HOMER2: variants seen among roughly 807,000 people sequenced by gnomAD.
HOMER2 encodes the protein homer scaffold protein 2, also known as homer protein homolog 2.
In HOMER2, 27 loss-of-function variants were observed where a neutral mutation model predicts 47.0. The ratio of observed to expected loss-of-function variants is 0.57; its 90% CI spans 0.42 to 0.79. HOMER2 has a LOEUF of 0.79. HOMER2 is among the 30% of genes least tolerant of loss of function. The pLI is 0.00. For missense variants in HOMER2, 443 were observed against 435.0 expected (o/e 1.02, Z -0.16); for synonymous variants, 161 against 163.8 (o/e 0.98, Z 0.13).
At chr15:82,906,260 G>A (rs1267517677) in intron 1 of HOMER2, among the ~76,000 whole-genome samples, 1 of 152,106 alleles carries the variant, frequency 6.6e-6, no homozygotes, top group Non-Finnish European at 1.5e-5. Flanking sequence ...CAGAAAAAGT[G>A]TAGAAGAAAA....
At chr15:82,857,925 G>T (rs1037219854) in intron 5 of HOMER2, among the ~76,000 whole-genome samples, 1 of 152,188 alleles carries the variant, frequency 6.6e-6, no homozygotes, top group Non-Finnish European at 1.5e-5. Context: ...CATAAGCACC[G>T]CTCATGCAGT....
At chr15:82,926,826 T>C (rs902488968) in intron 1 of HOMER2, among the ~76,000 whole-genome samples, 5 of 152,176 alleles carry the variant, frequency 3.3e-5, no homozygotes, top group Admixed American at 6.5e-5. Flanking sequence ...TCCACCCTTT[T>C]TTCTCTCTCT....
chr15:82,907,527 GAGAC>G lies in HOMER2; in HGVS notation c.6-14690_6-14687del, dbSNP rs527340181. ...AGAAGGAAGGAAGGAAGGAAAGAGA[GAGAC>G]AGAAAGGGAGAGAAAGGGAGAAAGG... is the stretch of plus-strand genomic sequence containing the variant. On this transcript the variant is annotated intron_variant, in intron 1 of 8. Coordinates refer to ENST00000450735, the MANE Select transcript of HOMER2 (RefSeq NM_004839.4). Among the ~76,000 whole-genome samples the G allele has an allele frequency of 2.4e-3, 359 of 151,490 alleles. 2 individuals carry two copies. Among genetic ancestry groups the G allele is most frequent in the African/African-American group, 7.9e-3 (326 of 41,256 alleles).
intron 1 of HOMER2, among the ~76,000 whole-genome samples, chr15:82,982,314 G>C (rs2030421042): frequency 6.6e-6 from 1 of 152,186 alleles, no homozygotes; most frequent in Non-Finnish European, 1.5e-5. Context: ...CTAAGTGTCA[G>C]TTATCTAGAA....
Position 82,849,909 on chromosome 15 carries a change from C to T in HOMER2, c.844-6G>A. On this transcript the variant is annotated splice_polypyrimidine_tract_variant and splice_region_variant and intron_variant, in intron 8 of 8. Coordinates refer to ENST00000450735, the MANE Select transcript of HOMER2 (RefSeq NM_004839.4). ...TGATTGTCTCTCTCTGCCGCCTGGC[C>T]AAGCAAAAGGGAGAAGGGTCTAGAA... 1 of 1,612,894 alleles carries T rather than the reference C, an allele frequency of 6.2e-7. No homozygotes were observed.
At chr15:82,931,992 G>C (rs888697849) in intron 1 of HOMER2, among the ~76,000 whole-genome samples, 2 of 152,178 alleles carry the variant, frequency 1.3e-5, no homozygotes, top group Admixed American at 6.5e-5. Flanking sequence ...AAAGACAGGA[G>C]CCCTAACCAT....
intron 1 of HOMER2, among the ~76,000 whole-genome samples, chr15:82,915,266 A>G (rs969279946): frequency 2.3e-4 from 35 of 152,086 alleles, no homozygotes; most frequent in African/African-American, 6.0e-4. Flanking sequence ...GGTAATGTTT[A>G]TGTTATCATA....
intron 2 of HOMER2, among the ~76,000 whole-genome samples, chr15:82,882,567 G>A (rs1417553198): frequency 1.3e-5 from 2 of 152,218 alleles, no homozygotes; most frequent in African/African-American, 4.8e-5. Flanking sequence ...TCCCGGGGAA[G>A]AAGGAAATGT....
chr15:82,926,767 A>C (rs1218035660), intron 1 of HOMER2: 2 of 152,216 alleles, frequency 1.3e-5, no homozygotes, highest in Admixed American at 1.3e-4. Context: ...TCAGACCATG[A>C]GGGCTTCACC....
intron 1 of HOMER2, among the ~76,000 whole-genome samples, chr15:82,922,199 C>T (rs2053747174): frequency 6.6e-6 from 1 of 152,174 alleles, no homozygotes; most frequent in South Asian, 2.1e-4. Flanking sequence ...TGTATGAGCA[C>T]CACTGCCCCT....
chr15:82,946,847 C>T (rs2054394278), intron 1 of HOMER2, among the ~76,000 whole-genome samples: 1 of 152,164 alleles, frequency 6.6e-6, no homozygotes, highest in Admixed American at 6.5e-5. Flanking sequence ...GGCTGTGTAA[C>T]CATCAGTGTA....
exon 2 of HOMER2, chr15:82,837,950 G>A (rs1355550662): frequency 2.0e-5 from 3 of 152,288 alleles, no homozygotes; most frequent in African/African-American, 7.2e-5. Flanking sequence ...CTCCCTGGTA[G>A]TGGTTTAGTT....
At chr15:82,868,257 A>ATGTGC (rs2052043558) in intron 3 of HOMER2, among the ~76,000 whole-genome samples, 1 of 151,380 alleles carries the variant, frequency 6.6e-6, no homozygotes, top group African/African-American at 2.4e-5. Context: ...CAGTTTGCAA[A>ATGTGC]AATGTTCTCC....
intron 1 of HOMER2, among the ~76,000 whole-genome samples, chr15:82,928,152 G>T (rs2053903163): frequency 2.0e-5 from 3 of 152,166 alleles, no homozygotes; most frequent in African/African-American, 4.8e-5. Context: ...CCAGCCAGAA[G>T]TACACTACTG....
chr15:82,947,222 C>A (rs1760316207), intron 1 of HOMER2, among the ~76,000 whole-genome samples: 1 of 152,164 alleles, frequency 6.6e-6, no homozygotes, highest in African/African-American at 2.4e-5. Flanking sequence ...CTATTGCAGT[C>A]AACTCAAACC....
Position 82,941,209 on chromosome 15 carries a change from C to T in HOMER2, c.5+11322G>A, listed in dbSNP as rs557795831. ...CTGTAATCCCAGCACTTTGGGAGGC[C>T]GAAGCAGGCAGATCACTTCAGATCA... On this transcript the variant is annotated intron_variant, in intron 1 of 8. Transcript: ENST00000450735. Among the ~76,000 whole-genome samples the T allele has an allele frequency of 3.2e-4, 49 of 151,820 alleles. No individual in the cohort carries two copies. The South Asian group carries it at 9.8e-3, about 30-fold the overall frequency.
At chr15:82,847,642 G>C (rs1335381590), downstream of HOMER2, among the ~76,000 whole-genome samples, 1 of 152,184 alleles carries the variant, frequency 6.6e-6, no homozygotes, top group Admixed American at 6.5e-5. Flanking sequence ...TTCTATGCAT[G>C]TCACCTGAGC....
At chr15:82,917,409 C>G (rs753397820) in intron 1 of HOMER2, among the ~76,000 whole-genome samples, 8 of 152,304 alleles carry the variant, frequency 5.3e-5, no homozygotes, top group Non-Finnish European at 1.0e-4. Flanking sequence ...AACAGCTGCC[C>G]TTTATCTTGG....
rs191588570 is a variant in HOMER2, at chr15:82,941,128, T to C, written c.5+11403A>G. Among the ~76,000 whole-genome samples the C allele has an allele frequency of 1.1e-4, 16 of 152,142 alleles. No individual in the cohort carries two copies. In the East Asian group the frequency reaches 1.9e-3, roughly 18 times the overall value. ...GTCTCTTTCCTTCCAATCTCCATAC[T>C]ACCCTTCATTACTATCTCTAAAATA... On this transcript the variant is annotated intron_variant, in intron 1 of 8. Coordinates refer to ENST00000450735, the MANE Select transcript of HOMER2 (RefSeq NM_004839.4).
Sources: allele counts gnomAD v4.1 joint callset (sites outside exome capture counted in the v4.1 genomes callset), GRCh38; gene constraint gnomAD v4.1.1; transcripts MANE v1.5; gene names NCBI Gene and HGNC (gene_info 2026-07-23, HGNC 2026-07-21).